GALNT13: variants seen among roughly 807,000 people sequenced by gnomAD.
GALNT13 encodes the protein polypeptide N-acetylgalactosaminyltransferase 13.
A neutral mutation model predicts 64.2 loss-of-function variants in GALNT13; 28 were observed. The ratio of observed to expected loss-of-function variants is 0.44; its 90% CI spans 0.32 to 0.60. The LOEUF (loss-of-function observed/expected upper bound fraction) is 0.60, where lower values mean the gene tolerates loss of function less well. GALNT13 is among the 20% of genes least tolerant of loss of function. GALNT13 has a pLI of 0.05. For synonymous variants in GALNT13, 214 were observed against 224.6 expected (o/e 0.95, Z 0.42); for missense variants, 577 against 669.8 (o/e 0.86, Z 1.53).
At chr2:153,096,304 G>C in the GALNT13 span, among the ~76,000 whole-genome samples, 1 of 151,804 alleles carries the variant, frequency 6.6e-6, no homozygotes, top group African/African-American at 2.4e-5. Context: ...CTATCCTTGA[G>C]AATGATCCAT....
At chr2:154,300,382 T>A (rs916723358) in intron 8 of GALNT13, among the ~76,000 whole-genome samples, 2 of 152,156 alleles carry the variant, frequency 1.3e-5, no homozygotes, top group African/African-American at 4.8e-5. Flanking sequence ...GGATTACAAG[T>A]GTGAGCCACC....
At chr2:154,302,278 A>G (rs1176124025) in intron 9 of GALNT13, among the ~76,000 whole-genome samples, 7 of 152,148 alleles carry the variant, frequency 4.6e-5, no homozygotes, top group African/African-American at 1.4e-4. Flanking sequence ...CAATAGCTAC[A>G]TTACTTAAAA....
At chr2:153,685,817 A>T in the GALNT13 span, among the ~76,000 whole-genome samples, 1 of 151,442 alleles carries the variant, frequency 6.6e-6, no homozygotes, top group Non-Finnish European at 1.5e-5. Flanking sequence ...TTAAGTTTTC[A>T]ATTCATCTTT....
chr2:154,363,268 A>T (rs924577325), intron 9 of GALNT13, among the ~76,000 whole-genome samples: 3 of 152,186 alleles, frequency 2.0e-5, no homozygotes, highest in Non-Finnish European at 4.4e-5. Flanking sequence ...CTGCCTTCCC[A>T]GTATGGCTTA....
At chr2:153,478,818 G>C in the GALNT13 span, 218 of 447,548 alleles carry the variant, frequency 4.9e-4, 1 homozygote, top group African/African-American at 3.7e-3. Flanking sequence ...CTCGAGGGGG[G>C]GCTGTTGGAA....
At chr2:153,266,224 T>C in the GALNT13 span, among the ~76,000 whole-genome samples, 1 of 152,196 alleles carries the variant, frequency 6.6e-6, no homozygotes, top group Non-Finnish European at 1.5e-5. Context: ...CTAATACCTA[T>C]TGGATAACAA....
chr2:153,495,074 C>CT, the GALNT13 span, among the ~76,000 whole-genome samples: 6 of 152,060 alleles, frequency 3.9e-5, no homozygotes, highest in African/African-American at 1.2e-4. Context: ...AATTTTACTT[C>CT]TTTTTCTTGA....
rs150582806 is a variant in GALNT13 at position 153,980,862 on chromosome 2, C to T, written c.142+36223C>T. Among the ~76,000 whole-genome samples the T allele has an allele frequency of 5.6e-3, 855 of 152,130 alleles. 5 individuals are homozygous for T. Among genetic ancestry groups the T allele is most frequent in the African/African-American group, 0.019 (783 of 41,508 alleles). ...TTTGTTTCTTAAAGCCGTAAGGTATCGTGAAGGTGGCTCAGAATACCTCGT... is the reference window on the plus strand; with the variant it reads ...TTTGTTTCTTAAAGCCGTAAGGTATTGTGAAGGTGGCTCAGAATACCTCGT... On this transcript the variant is annotated intron_variant, in intron 3 of 12. Transcript: ENST00000392825.
chr2:153,155,187 T>A, the GALNT13 span, among the ~76,000 whole-genome samples: 1 of 152,194 alleles, frequency 6.6e-6, no homozygotes, highest in Non-Finnish European at 1.5e-5. Context: ...CCTGAAGTTT[T>A]CTGTTTCTGT....
At chr2:153,123,893 C>T in the GALNT13 span, among the ~76,000 whole-genome samples, 2 of 152,290 alleles carry the variant, frequency 1.3e-5, no homozygotes, top group Admixed American at 6.5e-5. Context: ...ATAACCTCTT[C>T]CCTAGATTGT....
intron 2 of GALNT13, among the ~76,000 whole-genome samples, chr2:153,937,434 A>G (rs1691019090): frequency 6.6e-6 from 1 of 152,240 alleles, no homozygotes. Flanking sequence ...AAATAGGAAA[A>G]TTCATAGCCA....
At chr2:154,153,847 G>T (rs1684227776) in intron 4 of GALNT13, among the ~76,000 whole-genome samples, 1 of 152,218 alleles carries the variant, frequency 6.6e-6, no homozygotes, top group Non-Finnish European at 1.5e-5. Context: ...CCCTTTCTTT[G>T]ACTAGGAAAG....
chr2:153,551,760 T>C, the GALNT13 span, among the ~76,000 whole-genome samples: 1,835 of 152,324 alleles, frequency 0.012, 42 homozygotes, highest in African/African-American at 0.042. Flanking sequence ...GTCCATTCTA[T>C]GTCAGAGCAT....
At chr2:153,150,286 G>A in the GALNT13 span, among the ~76,000 whole-genome samples, 1 of 150,850 alleles carries the variant, frequency 6.6e-6, no homozygotes. Context: ...AGAAGTGTCT[G>A]TTCATATCCT....
At chr2:153,686,775 G>A in the GALNT13 span, among the ~76,000 whole-genome samples, 17 of 151,992 alleles carry the variant, frequency 1.1e-4, no homozygotes, top group Non-Finnish European at 2.2e-4. Flanking sequence ...TTAGCTGCGA[G>A]TTTGTCATAT....
chr2:153,862,956 T>A, the GALNT13 span, among the ~76,000 whole-genome samples: 1 of 152,170 alleles, frequency 6.6e-6, no homozygotes, highest in Non-Finnish European at 1.5e-5. Context: ...CTGTTCCTAC[T>A]GGATGAGTCA....
the GALNT13 span, among the ~76,000 whole-genome samples, chr2:153,251,737 TG>T: frequency 6.6e-6 from 1 of 151,400 alleles, no homozygotes; most frequent in Non-Finnish European, 1.5e-5. Context: ...TTTTTGTTCT[TG>T]CGATAGTTTA....
intron 2 of GALNT13, among the ~76,000 whole-genome samples, chr2:153,906,820 C>T (rs1688597375): frequency 6.6e-6 from 1 of 151,964 alleles, no homozygotes; most frequent in Non-Finnish European, 1.5e-5. Flanking sequence ...GGAATCGCCA[C>T]ACTGACTTCC....
At chr2:153,624,306 G>A in the GALNT13 span, among the ~76,000 whole-genome samples, 1 of 151,970 alleles carries the variant, frequency 6.6e-6, no homozygotes, top group Non-Finnish European at 1.5e-5. Flanking sequence ...GCATTATTGG[G>A]CACAGAATCA....
Sources: allele counts gnomAD v4.1 joint callset (sites outside exome capture counted in the v4.1 genomes callset), GRCh38; gene constraint gnomAD v4.1.1; transcripts MANE v1.5; gene names NCBI Gene and HGNC (gene_info 2026-07-23, HGNC 2026-07-21).